Variants in RGPD5 observed in about 807,000 individuals in gnomAD.
The protein encoded by RGPD5 is RANBP2-like and GRIP domain-containing protein 5/6.
At chr2:109,766,191 G>A in the RGPD5 span, among the ~76,000 whole-genome samples, 6 of 151,186 alleles carry the variant, frequency 4.0e-5, no homozygotes, top group African/African-American at 1.2e-4. Context: ...CGGCAGGTAC[G>A]AGGAGGCAAA....
chr2:109,778,482 A>G, the RGPD5 span, among the ~76,000 whole-genome samples: 3 of 150,180 alleles, frequency 2.0e-5, no homozygotes, highest in South Asian at 6.3e-4. Context: ...AAGGTTTAGT[A>G]GCCAGGCATT....
chr2:109,763,665 A>T, the RGPD5 span, among the ~76,000 whole-genome samples: 5 of 150,478 alleles, frequency 3.3e-5, no homozygotes. Context: ...TTATTGTATT[A>T]GAGCAATATA....
the RGPD5 span, among the ~76,000 whole-genome samples, chr2:109,777,311 T>G: frequency 1.3e-5 from 2 of 148,536 alleles, no homozygotes; most frequent in Non-Finnish European, 3.0e-5. Flanking sequence ...CATATGGGTT[T>G]TAATCTATTA....
At chr2:109,763,461 C>T in the RGPD5 span, among the ~76,000 whole-genome samples, 1 of 150,094 alleles carries the variant, frequency 6.7e-6, no homozygotes, top group Admixed American at 6.8e-5. Context: ...CAGACAATTG[C>T]CATTTTCTAG....
the RGPD5 span, among the ~76,000 whole-genome samples, chr2:109,766,419 G>T: frequency 6.6e-6 from 1 of 150,512 alleles, no homozygotes; most frequent in African/African-American, 2.4e-5. Flanking sequence ...ACTCCAGCTG[G>T]GCTGGGGCCC....
chr2:109,794,614 G>GGGT (rs1676879806), intron 1 of RGPD5, 77 bp downstream of exon 1: 2 of 72,260 alleles, frequency 2.8e-5, no homozygotes, highest in African/African-American at 2.3e-4. Context: ...GCGGCGGGGG[G>GGGT]GGCGGCGGCG....
the RGPD5 span, among the ~76,000 whole-genome samples, chr2:109,777,460 A>G: frequency 1.5e-5 from 2 of 133,678 alleles, no homozygotes; most frequent in Admixed American, 8.2e-5. Flanking sequence ...ATCCTTTTAT[A>G]TATCACTGGA....
chr2:109,777,461 T>A, the RGPD5 span, among the ~76,000 whole-genome samples: 1 of 134,398 alleles, frequency 7.4e-6, no homozygotes, highest in African/African-American at 2.8e-5. Context: ...TCCTTTTATA[T>A]ATCACTGGAT....
At chr2:109,778,519 A>G in the RGPD5 span, among the ~76,000 whole-genome samples, 1 of 150,138 alleles carries the variant, frequency 6.7e-6, no homozygotes, top group East Asian at 1.9e-4. Flanking sequence ...CCAGCTAGAA[A>G]CATCTTTTTT....
At chr2:109,763,035 T>C in the RGPD5 span, among the ~76,000 whole-genome samples, 1 of 149,364 alleles carries the variant, frequency 6.7e-6, no homozygotes, top group Non-Finnish European at 1.5e-5. Flanking sequence ...TCAAAATAAC[T>C]AATATTTGAG....
At chr2:109,799,230 T>C (rs1363805854) in intron 1 of RGPD5, among the ~76,000 whole-genome samples, 3 of 113,238 alleles carry the variant, frequency 2.6e-5, no homozygotes, top group East Asian at 2.7e-4. Context: ...AGAGCAAGAC[T>C]CCATCTCAAA....
At chr2:109,774,563 A>G in the RGPD5 span, among the ~76,000 whole-genome samples, 2 of 69,298 alleles carry the variant, frequency 2.9e-5, no homozygotes, top group Non-Finnish European at 4.9e-5. Flanking sequence ...ATATATATGT[A>G]TGTAAATGGT....
chr2:109,799,175 G>T (rs1676926541), intron 1 of RGPD5, among the ~76,000 whole-genome samples: 1 of 82,702 alleles, frequency 1.2e-5, no homozygotes, highest in Non-Finnish European at 2.2e-5. Context: ...GGACGCAGAG[G>T]TTGCAGTGAG....
the RGPD5 span, among the ~76,000 whole-genome samples, chr2:109,765,326 A>G: frequency 1.3e-5 from 2 of 149,244 alleles, 1 homozygote; most frequent in South Asian, 4.4e-4. Flanking sequence ...GCATCATGAA[A>G]TAACGCTTAT....
chr2:109,761,013 A>G, the RGPD5 span, among the ~76,000 whole-genome samples: 7 of 135,612 alleles, frequency 5.2e-5, no homozygotes, highest in Non-Finnish European at 7.9e-5. Flanking sequence ...CAGCCCAGGG[A>G]CTGGTGATCT....
the RGPD5 span, among the ~76,000 whole-genome samples, chr2:109,780,018 A>AT: frequency 1.5e-5 from 1 of 64,930 alleles, no homozygotes; most frequent in Non-Finnish European, 2.9e-5. Context: ...AGACATTTTG[A>AT]TAGTCAATTT....
At chr2:109,763,964 A>G in the RGPD5 span, among the ~76,000 whole-genome samples, 1 of 145,502 alleles carries the variant, frequency 6.9e-6, no homozygotes, top group African/African-American at 2.5e-5. Flanking sequence ...TATAATCAAT[A>G]TACACAATCA....
At chr2:109,794,750 G>C (rs1259153017) in intron 1 of RGPD5, 1 of 381,054 alleles carries the variant, frequency 2.6e-6, no homozygotes, top group East Asian at 4.7e-4. Context: ...CGCAGGAAGA[G>C]TCCTGGGGGG....
the RGPD5 span, among the ~76,000 whole-genome samples, chr2:109,770,590 CG>C: frequency 2.8e-5 from 1 of 35,758 alleles, no homozygotes; most frequent in East Asian, 1.2e-3. Flanking sequence ...AATATTGGTC[CG>C]GGGCCTGTTA....
Sources: gnomAD v4.1 joint callset for allele counts (sites outside exome capture counted in the v4.1 genomes callset) on GRCh38, gnomAD v4.1.1 for gene constraint, MANE v1.5 for transcripts, NCBI Gene and HGNC (gene_info 2026-07-23, HGNC 2026-07-21) for gene names.